MTOR: variants seen among roughly 807,000 people sequenced by gnomAD.
The protein encoded by MTOR is serine/threonine-protein kinase mTOR.
MTOR carries 70 observed loss-of-function variants against 319.8 expected under a neutral mutation model. The observed-to-expected ratio is 0.22, with a 90% CI of 0.18 to 0.27. The LOEUF is 0.27. MTOR is among the 10% of genes least tolerant of loss of function. MTOR has a pLI of 1.00. For synonymous variants in MTOR, 1,183 were observed against 1,211.4 expected (o/e 0.98, Z 0.49); for missense variants, 1,890 against 3,274.4 (o/e 0.58, Z 10.32).
rs144877536 is a variant in MTOR, at chr1:11,256,943, C to T, written c.494G>A (p.Arg165Lys). 75 of 1,613,528 alleles carry T rather than the reference C, an allele frequency of 4.6e-5. No individual in the cohort carries two copies. The highest frequency in any genetic ancestry group is 6.3e-5 in the Non-Finnish European group (74 of 1,179,848). The change falls in exon 4 of 58, where the codon AGA (arginine) becomes AAA (lysine). Residue 165 changes from arginine to lysine, a missense_variant. Transcript: ENST00000361445. The stretch of plus-strand genomic sequence containing the variant: ...CCTGTAGACACTCACAGCTGCATGT[C>T]TCCGGCCCTCATTGCGGTCAGCACC... ...WLGADRNEGR[R>K]HAAVLVLREL...
chr1:11,184,163 T>C (rs1645241182), intron 28 of MTOR, among the ~76,000 whole-genome samples: 1 of 152,210 alleles, frequency 6.6e-6, no homozygotes, highest in African/African-American at 2.4e-5. Context: ...CTTTATTTAA[T>C]TCTCATGAAA....
chr1:11,119,476 CAGA>C (rs1642379842), intron 49 of MTOR, among the ~76,000 whole-genome samples: 1 of 145,934 alleles, frequency 6.9e-6, no homozygotes. Flanking sequence ...GAGGCTGAGG[CAGA>C]AGAATGGTGT....
At position 11,228,653 on chromosome 1, in the gene MTOR, G is replaced by T. The variant is rs1417089186; in HGVS notation, c.3030+15C>A. On this transcript the variant is annotated intron_variant, in intron 19 of 57. Transcript: ENST00000361445. Reference sequence around the variant, plus strand: ...GCAGAGGAGAAAGAGAAGGATTGGGGTTTGAGGTACTTACTTCCCGGATGG... The same window carrying T: ...GCAGAGGAGAAAGAGAAGGATTGGGTTTTGAGGTACTTACTTCCCGGATGG... The T allele has an allele frequency of 6.2e-7, 1 of 1,612,394 alleles. No individual in the cohort carries two copies. Among genetic ancestry groups the T allele is most frequent in the Non-Finnish European group, 8.5e-7 (1 of 1,179,164 alleles).
intron 36 of MTOR, among the ~76,000 whole-genome samples, chr1:11,135,913 TC>T (rs1361743270): frequency 2.6e-5 from 4 of 151,388 alleles, no homozygotes; most frequent in Non-Finnish European, 5.9e-5. Flanking sequence ...GGTGGGTGGA[TC>T]ACCTGAGGTC....
chr1:11,237,804 G>A (rs1647415947), intron 13 of MTOR, 39 bp downstream of exon 13: 4 of 1,608,966 alleles, frequency 2.5e-6, no homozygotes, highest in Non-Finnish European at 3.4e-6. Context: ...CGAGAGTCCT[G>A]TCTTCCCTGC....
At chr1:11,185,448 GAAAA>G in intron 28 of MTOR, among the ~76,000 whole-genome samples, 1 of 150,946 alleles carries the variant, frequency 6.6e-6, no homozygotes, top group South Asian at 2.1e-4. Context: ...AAGAAAGAAA[GAAAA>G]AAAGATAGTT....
At chr1:11,209,217 T>C in intron 25 of MTOR, 95 bp downstream of exon 25, 10 of 1,468,916 alleles carry the variant, frequency 6.8e-6, no homozygotes, top group Non-Finnish European at 9.3e-6. Context: ...ACACCTGGGC[T>C]GGTTTTCGGT....
chr1:11,154,168 A>AAACAAC (rs374971011), intron 30 of MTOR, among the ~76,000 whole-genome samples: 53 of 149,118 alleles, frequency 3.6e-4, no homozygotes, highest in South Asian at 6.4e-4. Context: ...GGACTGAGAA[A>AAACAAC]AACAACAACA....
At position 11,109,466 on chromosome 1, in the gene MTOR, T is replaced by C; in HGVS notation, c.7448-96A>G. 1 of 1,274,624 alleles carries C rather than the reference T, an allele frequency of 7.8e-7. No homozygotes were observed. The highest frequency in any genetic ancestry group is 1.3e-5 in the South Asian group (1 of 79,038). 79.0% of individuals were successfully genotyped at this position (1,274,624 alleles called of 1,614,324 possible). A position where few individuals can be genotyped will look rare whatever the true frequency, so the allele number is the denominator to read the frequency against. ...TTTCTCAAATATTCACTTTTGTAAGTGTTAAGCAATCCTTCCTCTATGTCC... is the reference window on the plus strand; with the variant it reads ...TTTCTCAAATATTCACTTTTGTAAGCGTTAAGCAATCCTTCCTCTATGTCC... On this transcript the variant is annotated intron_variant, in intron 55 of 57. Coordinates refer to ENST00000361445, the MANE Select transcript of MTOR (RefSeq NM_004958.4). This position sits in a 1 kb window ranked among gnomAD's most constrained non-coding sequence, Gnocchi z 4.0.
chr1:11,201,787 T>C (rs1273948524), intron 26 of MTOR, among the ~76,000 whole-genome samples: 1 of 152,196 alleles, frequency 6.6e-6, no homozygotes, highest in Non-Finnish European at 1.5e-5. Context: ...ATCTTTCACA[T>C]GCATTAGAAG....
In MTOR at chr1:11,133,139, T is replaced by C. The variant is rs781512898; in HGVS notation, c.5305A>G (p.Ile1769Val). The C allele has an allele frequency of 3.7e-6, 6 of 1,614,170 alleles. No individual in the cohort carries two copies. Among genetic ancestry groups the C allele is most frequent in the South Asian group, 1.1e-5 (1 of 91,084 alleles). Reference sequence around the variant, plus strand: ...CTGTAGTACTGCAGCACTTTGGGGATTGTGCTCTCATTGATGCCCTGTAGA... The same window carrying C: ...CTGTAGTACTGCAGCACTTTGGGGACTGTGCTCTCATTGATGCCCTGTAGA... ...LNLQGINEST[I>V]PKVLQYYSAA... The change falls in exon 38 of 58, where the codon ATC becomes GTC. Residue 1769 changes from isoleucine (I) to valine (V), a missense_variant. By Grantham distance (29) the Ile-to-Val change is conservative. Coordinates refer to ENST00000361445, the MANE Select transcript of MTOR (RefSeq NM_004958.4). This position sits in a 1 kb window ranked among gnomAD's most constrained non-coding sequence, Gnocchi z 4.0.
intron 24 of MTOR, among the ~76,000 whole-genome samples, chr1:11,209,826 T>C (rs969852145): frequency 6.6e-6 from 1 of 151,952 alleles, no homozygotes; most frequent in African/African-American, 2.4e-5. Context: ...ATTCACTTAT[T>C]TATTTGTGCC....
intron 11 of MTOR, 21 bp from the exon 12 acceptor site, chr1:11,238,638 A>C: frequency 6.3e-7 from 1 of 1,585,774 alleles, no homozygotes; most frequent in Non-Finnish European, 8.6e-7. Flanking sequence ...AGGCAGAGAG[A>C]AAACAGAATA....
At chr1:11,122,822 A>C (rs1468656151) in intron 47 of MTOR, among the ~76,000 whole-genome samples, 1 of 151,986 alleles carries the variant, frequency 6.6e-6, no homozygotes, top group Non-Finnish European at 1.5e-5. Context: ...GACTATTTTT[A>C]ATGAGCCCCC....
chr1:11,130,503 G>T, intron 39 of MTOR, 26 bp downstream of exon 39: 1 of 1,602,514 alleles, frequency 6.2e-7, no homozygotes. Flanking sequence ...TTGGTTGGTT[G>T]TTAATAAGGA....
Position 11,106,992 on chromosome 1 carries a change from G to A in MTOR, c.*493C>T. ...CTGCTGCTGTCCACAGACCAGTGAG[G>A]TCTTGGGATAGGTGGCAGGGGTGAG... On this transcript the variant is annotated 3_prime_UTR_variant, in exon 58 of 58. Coordinates refer to ENST00000361445, the MANE Select transcript of MTOR (RefSeq NM_004958.4). The A allele has an allele frequency of 1.5e-6, 2 of 1,370,854 alleles. No individual in the cohort carries two copies. Among genetic ancestry groups the A allele is most frequent in the Non-Finnish European group, 9.6e-7 (1 of 1,038,910 alleles). 84.9% of individuals were successfully genotyped at this position (1,370,854 alleles called of 1,614,324 possible).
intron 57 of MTOR, 102 bp from the exon 58 acceptor site, chr1:11,107,602 G>T: frequency 7.8e-7 from 1 of 1,285,368 alleles, no homozygotes; most frequent in Non-Finnish European, 1.1e-6. Context: ...GACAACCCTA[G>T]GGTATTCCCT....
chr1:11,234,492 C>A (rs1647130148), intron 13 of MTOR, among the ~76,000 whole-genome samples: 1 of 152,200 alleles, frequency 6.6e-6, no homozygotes, highest in African/African-American at 2.4e-5. Context: ...TGCTCCCTTT[C>A]CTTTTATCAC....
At chr1:11,245,854 G>A (rs1367335080) in intron 8 of MTOR, among the ~76,000 whole-genome samples, 5 of 152,076 alleles carry the variant, frequency 3.3e-5, no homozygotes, top group East Asian at 1.9e-4. Flanking sequence ...TGGCTGCAGC[G>A]AGCTGAGATC....
Sources: gnomAD v4.1 joint callset for allele counts (sites outside exome capture counted in the v4.1 genomes callset) on GRCh38, gnomAD v4.1.1 for gene constraint, Gnocchi (gnomAD v3.1) non-coding constraint, MANE v1.5 for transcripts, NCBI Gene and HGNC (gene_info 2026-07-23, HGNC 2026-07-21) for gene names.